The following NEURL3 variants were observed in gnomAD, a reference collection of about 807,000 sequenced individuals.
The protein encoded by NEURL3 is E3 ubiquitin-protein ligase NEURL3.
NEURL3 carries 19 observed loss-of-function variants against 17.6 expected under a neutral mutation model. The observed-to-expected ratio is 1.08, with a 90% CI of 0.75 to 1.58. The LOEUF is 1.58. Ranked by LOEUF, NEURL3 falls within the 40% of genes most tolerant of loss-of-function variation. The pLI is 0.00. For synonymous variants in NEURL3, 180 were observed against 161.4 expected (o/e 1.11, Z -0.87); for missense variants, 342 against 379.6 (o/e 0.90, Z 0.82).
At chr2:96,505,020 A>G (rs1430716610) in intron 1 of NEURL3, among the ~76,000 whole-genome samples, 1 of 151,852 alleles carries the variant, frequency 6.6e-6, no homozygotes, top group Non-Finnish European at 1.5e-5. Flanking sequence ...GTTTGATTTT[A>G]TAAAGATCCC....
At position 96,500,932 on chromosome 2, in the gene NEURL3, T is replaced by C. The variant is rs1182247699; in HGVS notation, c.29-8A>G. 3.9e-6 allele frequency: 6 copies of C among 1,553,290 alleles called. No individual in the cohort carries two copies. In the African/African-American group the frequency reaches 7.0e-5, roughly 18 times the overall value. ...CTCGGGGCGCCTTGGCGTCTGTGGG[T>C]TGAGGATGGGGAGTGTCAGTGCTAA... On this transcript the variant is annotated splice_polypyrimidine_tract_variant and splice_region_variant and intron_variant, in intron 1 of 3. Transcript: ENST00000451794.
chr2:96,503,998 G>A (rs549553216), intron 1 of NEURL3, among the ~76,000 whole-genome samples: 1 of 152,314 alleles, frequency 6.6e-6, no homozygotes, highest in East Asian at 1.9e-4. Context: ...CCTGCCCATG[G>A]GCGATCGCTC....
Position 96,500,551 on chromosome 2 carries a change from G to C in NEURL3, c.402C>G (p.Phe134Leu), listed in dbSNP as rs1026163454. 2.2e-5 allele frequency: 34 copies of C among 1,563,934 alleles called. No individual in the cohort carries two copies. The African/African-American group carries it at 2.7e-4, about 12-fold the overall frequency. ...RFWVDRRGCL[F>L]AKVNAGCRLL... ...GCCGGCAGCCGGCGTTGACCTTGGC[G>C]AAGAGGCAGCCGCGGCGGTCCACCC... Residue 134 changes from phenylalanine to leucine, a missense_variant, in exon 2 of 4, where the codon TTC becomes TTG. Physicochemically the swap from Phe to Leu is conservative, Grantham distance 22. Transcript: ENST00000451794.
In NEURL3 at chr2:96,499,415, T is replaced by C. The variant is rs2104604097; in HGVS notation, c.549A>G (p.Pro183=). 2 of 1,599,466 alleles carry C rather than the reference T, an allele frequency of 1.3e-6. No homozygotes were observed. The highest frequency in any genetic ancestry group is 1.7e-6 in the Non-Finnish European group (2 of 1,179,782). The change falls in exon 3 of 4, where the codon CCA becomes CCG. Residue 183 remains proline, a synonymous_variant. Coordinates refer to ENST00000451794, the MANE Select transcript of NEURL3 (RefSeq NM_001285485.2). Reference sequence around the variant, plus strand: ...GCACAGCCTTGTTGCTGAGGTCCCATGGCATGGGTGTTGGGAGCCGGCTGG... The same window carrying C: ...GCACAGCCTTGTTGCTGAGGTCCCACGGCATGGGTGTTGGGAGCCGGCTGG... The part of the protein sequence containing the change: ...PTASRLPTPM[P]WDLSNKAVPE...
intron 1 of NEURL3, among the ~76,000 whole-genome samples, chr2:96,503,013 G>A (rs1258198457): frequency 5.3e-5 from 8 of 152,354 alleles, no homozygotes; most frequent in South Asian, 4.1e-4. Flanking sequence ...AGATGAGCCC[G>A]TGCTCATTGG....
At chr2:96,507,876 A>G (rs2065573363), upstream of NEURL3, 1 of 152,264 alleles carries the variant, frequency 6.6e-6, no homozygotes. Context: ...ACTGAGGCAC[A>G]CGACAGTTAC....
chr2:96,500,130 G>A (rs1033919721), intron 2 of NEURL3: 3 of 399,458 alleles, frequency 7.5e-6, no homozygotes, highest in Non-Finnish European at 1.4e-5. Context: ...CTCCTATTTA[G>A]GCTGCAAAGC....
In NEURL3 at chr2:96,498,002, C is replaced by T. The variant is rs1394146394; in HGVS notation, c.*242G>A. Reference sequence around the variant, plus strand: ...TGGGCCACCCCATCTCTAAACAAAGCACCCCATCAGAAGGATAGTTCTGGC... The same window carrying T: ...TGGGCCACCCCATCTCTAAACAAAGTACCCCATCAGAAGGATAGTTCTGGC... On this transcript the variant is annotated 3_prime_UTR_variant, in exon 4 of 4. Transcript: ENST00000451794. This position sits in a 1 kb window ranked among gnomAD's most constrained non-coding sequence, Gnocchi z 4.4. 2 of 519,212 alleles carry T rather than the reference C, an allele frequency of 3.9e-6. No individual in the cohort carries two copies. The highest frequency in any genetic ancestry group is 3.6e-5 in the Admixed American group (1 of 27,942). The allele number at this position is 519,212 out of a possible 1,614,324, so 32.2% of individuals were successfully genotyped here.
chr2:96,499,058 G>A (rs905888497), intron 3 of NEURL3: 14 of 713,848 alleles, frequency 2.0e-5, no homozygotes, highest in Admixed American at 3.7e-5. Flanking sequence ...GATTACAGGT[G>A]TGAGCCACTG....
upstream of NEURL3, among the ~76,000 whole-genome samples, chr2:96,507,430 C>T (rs558127471): frequency 1.6e-4 from 24 of 152,284 alleles, no homozygotes; most frequent in African/African-American, 5.8e-4. Flanking sequence ...TACTTTTGTA[C>T]TTTTCCTCCC....
chr2:96,498,415 G>A lies in NEURL3; in HGVS notation c.618C>T (p.Phe206=). The change falls in exon 4 of 4, where the codon TTC becomes TTT. Residue 206 remains phenylalanine, a synonymous_variant. Coordinates refer to ENST00000451794, the MANE Select transcript of NEURL3 (RefSeq NM_001285485.2). This position sits in a 1 kb window ranked among gnomAD's most constrained non-coding sequence, Gnocchi z 4.4. The part of the protein sequence containing the change: ...ATPGEECAIC[F]YHAANTRLVP... The stretch of plus-strand genomic sequence containing the variant: ...CAAGGCGGGTGTTGGCAGCGTGATA[G>A]AAGCAGATGGCACACTCCTCTCCTG... The A allele has an allele frequency of 1.3e-6, 2 of 1,598,886 alleles. No homozygotes were observed. Among genetic ancestry groups the A allele is most frequent in the Middle Eastern group, 1.7e-4 (1 of 6,056 alleles).
chr2:96,498,380 C>A lies in NEURL3; in HGVS notation c.653G>T (p.Gly218Val). 6.3e-7 allele frequency: 1 copy of A among 1,599,412 alleles called. No individual in the cohort carries two copies. The highest frequency in any genetic ancestry group is 8.5e-7 in the Non-Finnish European group (1 of 1,179,762). Residue 218 changes from glycine (G) to valine (V), a missense_variant, in exon 4 of 4, where the codon GGC becomes GTC. Gly to Val is a moderately radical substitution (Grantham distance 109, BLOSUM62 -3). Coordinates refer to ENST00000451794, the MANE Select transcript of NEURL3 (RefSeq NM_001285485.2). The surrounding 1 kb of genome is among the most constrained non-coding windows in gnomAD (Gnocchi z 4.4). ...HAANTRLVPCGHTYFCRYCAW... is the reference protein window; with the variant it reads ...HAANTRLVPCVHTYFCRYCAW... ...ACAGTATCTGCAGAAGTATGTGTGG[C>A]CGCAGGGCACAAGGCGGGTGTTGGC...
chr2:96,500,600 A>G lies in NEURL3; in HGVS notation c.353T>C (p.Leu118Pro). 1 of 1,527,818 alleles carries G rather than the reference A, an allele frequency of 6.5e-7. No homozygotes were observed. The highest frequency in any genetic ancestry group is 8.7e-7 in the Non-Finnish European group (1 of 1,143,822). 94.6% of individuals were successfully genotyped at this position (1,527,818 alleles called of 1,614,324 possible). A position where few individuals can be genotyped will look rare whatever the true frequency, so the allele number is the denominator to read the frequency against. ...WAAVLPEGCA[L>P]TGDLVRFWVD... ...CCAGAAGCGGACCAAGTCCCCAGTGAGCGCGCAGCCCTCAGGCAGCACGGC... is the reference window on the plus strand; with the variant it reads ...CCAGAAGCGGACCAAGTCCCCAGTGGGCGCGCAGCCCTCAGGCAGCACGGC... The change falls in exon 2 of 4, where the codon CTC (leucine) becomes CCC (proline). Residue 118 changes from leucine to proline, a missense_variant. Leu to Pro is a moderately conservative substitution (Grantham distance 98). Coordinates refer to ENST00000451794, the MANE Select transcript of NEURL3 (RefSeq NM_001285485.2).
rs1008765925 is a variant in NEURL3 at position 96,500,852 on chromosome 2, C to T, written c.101G>A (p.Arg34His). The T allele has an allele frequency of 2.6e-6, 4 of 1,534,126 alleles. No individual in the cohort carries two copies. Among genetic ancestry groups the T allele is most frequent in the Non-Finnish European group, 3.5e-6 (4 of 1,146,934 alleles). The change falls in exon 2 of 4, where the codon CGT (arginine) becomes CAT (histidine). Residue 34 changes from arginine to histidine, a missense_variant. Arg to His is a conservative substitution (Grantham distance 29). Coordinates refer to ENST00000451794, the MANE Select transcript of NEURL3 (RefSeq NM_001285485.2). Reference protein sequence around the residue: ...AKGAQVRLDTRGCIAHRRTTF... With the variant: ...AKGAQVRLDTHGCIAHRRTTF... Reference sequence around the variant, plus strand: ...GGTGCGCCTGTGCGCGATGCAGCCACGCGTGTCCAGACGCACCTGTGCGCC... The same window carrying T: ...GGTGCGCCTGTGCGCGATGCAGCCATGCGTGTCCAGACGCACCTGTGCGCC...
rs562108875 is a variant in NEURL3, at chr2:96,498,479, T to G, written c.587-33A>C. The G allele has an allele frequency of 6.4e-7, 1 of 1,564,368 alleles. No homozygotes were observed. The highest frequency in any genetic ancestry group is 1.7e-5 in the Admixed American group (1 of 58,076). On this transcript the variant is annotated intron_variant, in intron 3 of 3. Coordinates refer to ENST00000451794, the MANE Select transcript of NEURL3 (RefSeq NM_001285485.2). The surrounding 1 kb of genome is among the most constrained non-coding windows in gnomAD (Gnocchi z 4.4). ...AGGGAGCAACACAGGTCAGGGCACA[T>G]GGGGGAAGGGGTGGGCAACCCGCTC...
chr2:96,500,795 C>T lies in NEURL3; in HGVS notation c.158G>A (p.Arg53Gln). ...CACACGCTCGCCCAGGCGCACCGGC[C>T]GCTGGCTGAACACGATGCCGTCGTG... Reference protein sequence around the residue: ...TFHDGIVFSQRPVRLGERVAL... With the variant: ...TFHDGIVFSQQPVRLGERVAL... The change falls in exon 2 of 4, where the codon CGG becomes CAG. Residue 53 changes from arginine (R) to glutamine (Q), a missense_variant. Transcript: ENST00000451794. 1 of 1,526,624 alleles carries T rather than the reference C, an allele frequency of 6.6e-7. No homozygotes were observed. The allele number at this position is 1,526,624 out of a possible 1,614,324, so 94.6% of individuals were successfully genotyped here.
upstream of NEURL3, among the ~76,000 whole-genome samples, chr2:96,506,943 C>T (rs1443667047): frequency 2.0e-5 from 3 of 152,152 alleles, no homozygotes; most frequent in African/African-American, 4.8e-5. Context: ...TAAAGCCTCC[C>T]GTCCAGGGTA....
chr2:96,501,918 C>A (rs1159384287), intron 1 of NEURL3, among the ~76,000 whole-genome samples: 1 of 152,164 alleles, frequency 6.6e-6, no homozygotes, highest in Admixed American at 6.5e-5. Flanking sequence ...CAAGGCCACT[C>A]CCCTCCCAGA....
intron 1 of NEURL3, among the ~76,000 whole-genome samples, chr2:96,502,577 T>C (rs2065520439): frequency 6.6e-6 from 1 of 152,208 alleles, no homozygotes; most frequent in Non-Finnish European, 1.5e-5. Flanking sequence ...TGGCCAGGCA[T>C]GGGGCTGGGG....
Sources: allele counts gnomAD v4.1 joint callset (sites outside exome capture counted in the v4.1 genomes callset), GRCh38; gene constraint gnomAD v4.1.1; non-coding constraint Gnocchi (gnomAD v3.1); transcripts MANE v1.5; gene names NCBI Gene and HGNC (gene_info 2026-07-23, HGNC 2026-07-21).